The following NAALADL2 variants were observed in gnomAD, a reference collection of about 807,000 sequenced individuals.
NAALADL2 encodes the protein inactive N-acetylated-alpha-linked acidic dipeptidase-like protein 2.
In NAALADL2, 76 loss-of-function variants were observed where a neutral mutation model predicts 87.2. The observed-to-expected ratio is 0.87, with a 90% CI of 0.72 to 1.05. NAALADL2 has a LOEUF of 1.05. NAALADL2 is among the 50% of genes least tolerant of loss of function. The pLI is 0.00. For synonymous variants in NAALADL2, 354 were observed against 331.0 expected, an observed-to-expected ratio of 1.07 and a Z score of -0.75; for missense variants, 1,089 against 945.8, an observed-to-expected ratio of 1.15 and a Z score of -1.99.
intron 3 of NAALADL2, among the ~76,000 whole-genome samples, chr3:174,834,266 C>G (rs1353422224): frequency 1.4e-5 from 2 of 147,302 alleles, no homozygotes; most frequent in African/African-American, 2.6e-5. Flanking sequence ...GCCCATTTAT[C>G]ATATTGAATA....
chr3:175,648,884 C>T (rs536953411), intron 11 of NAALADL2, among the ~76,000 whole-genome samples: 61 of 152,290 alleles, frequency 4.0e-4, no homozygotes, highest in African/African-American at 1.3e-3. Context: ...TTTGTCTTCT[C>T]TCTTCATACC....
intron 1 of NAALADL2, among the ~76,000 whole-genome samples, chr3:175,050,801 G>A (rs1755283996): frequency 6.6e-6 from 1 of 152,150 alleles, no homozygotes; most frequent in Admixed American, 6.5e-5. Context: ...AATTGAGAGT[G>A]TTATCTTCAG....
rs570347964 is a variant in NAALADL2 at position 175,808,806 on chromosome 3, T to C, written c.*5603T>C. 3 of 152,118 alleles carry C rather than the reference T, an allele frequency of 2.0e-5. No individual in the cohort carries two copies. The highest frequency in any genetic ancestry group is 7.2e-5 in the African/African-American group (3 of 41,542). 9.4% of individuals were successfully genotyped at this position (152,118 alleles called of 1,614,324 possible). A position where few individuals can be genotyped will look rare whatever the true frequency, so the allele number is the denominator to read the frequency against. ...TGTCGGTCTTTTGTTCTAATTAAAG[T>C]ACAAACGTGGCATCTGAATAGAAGC... On this transcript the variant is annotated 3_prime_UTR_variant, in exon 14 of 14. Coordinates refer to ENST00000454872, the MANE Select transcript of NAALADL2 (RefSeq NM_207015.3).
intron 10 of NAALADL2, among the ~76,000 whole-genome samples, chr3:175,589,917 A>G (rs1232188305): frequency 6.6e-6 from 1 of 151,922 alleles, no homozygotes; most frequent in Non-Finnish European, 1.5e-5. Context: ...AAAAATATAT[A>G]TTTACCAATT....
intron 4 of NAALADL2, among the ~76,000 whole-genome samples, chr3:175,304,198 T>C (rs1231442267): frequency 1.3e-5 from 2 of 152,118 alleles, no homozygotes; most frequent in Non-Finnish European, 2.9e-5. Context: ...CCATGCAAAT[T>C]ATCTGTCTGG....
At chr3:175,008,881 A>G (rs1749411910) in intron 1 of NAALADL2, among the ~76,000 whole-genome samples, 1 of 152,208 alleles carries the variant, frequency 6.6e-6, no homozygotes, top group Non-Finnish European at 1.5e-5. Flanking sequence ...CCCTAAGTTC[A>G]GTAAGATGCA....
intron 3 of NAALADL2, among the ~76,000 whole-genome samples, chr3:174,806,235 AAAG>A (rs1484287990): frequency 1.3e-5 from 2 of 152,196 alleles, no homozygotes; most frequent in African/African-American, 2.4e-5. Flanking sequence ...AAAGGGAGGA[AAAG>A]AAGAAGTGAG....
rs187733650 is a variant in NAALADL2 at position 174,456,354 on chromosome 3, C to G, written c.-184+15322C>G. 4.6e-3 allele frequency among the ~76,000 whole-genome samples: 586 copies of G among 126,052 alleles called. 6 individuals carry two copies. Among genetic ancestry groups the G allele is most frequent in the Admixed American group, 6.7e-3 (67 of 10,012 alleles). The allele number at this position is 126,052 out of a possible 152,430, so 82.7% of individuals were successfully genotyped here. Reference sequence around the variant, plus strand: ...TGACATTCTTCACACAACTAGAAAACTGTTTTAAAATTCCTATGGATCCAA... The same window carrying G: ...TGACATTCTTCACACAACTAGAAAAGTGTTTTAAAATTCCTATGGATCCAA... On this transcript the variant is annotated intron_variant, in intron 1 of 3. Transcript: ENST00000434257.
chr3:174,948,029 G>A (rs1437556710), intron 1 of NAALADL2, among the ~76,000 whole-genome samples: 3 of 151,904 alleles, frequency 2.0e-5, no homozygotes, highest in Non-Finnish European at 2.9e-5. Flanking sequence ...CCTTTGACAC[G>A]AAACTTGACA....
intron 2 of NAALADL2, among the ~76,000 whole-genome samples, chr3:174,683,636 GT>G (rs1172130794): frequency 0.026 from 481 of 18,592 alleles, 4 homozygotes; most frequent in African/African-American, 0.17. Context: ...TCTGGTGTGT[GT>G]GTGTGTGTGT....
intron 1 of NAALADL2, among the ~76,000 whole-genome samples, chr3:175,084,169 G>A (rs1177943571): frequency 1.3e-5 from 2 of 152,176 alleles, no homozygotes; most frequent in Non-Finnish European, 2.9e-5. Flanking sequence ...TTGAGTGGTG[G>A]TCTGGTTATT....
Position 174,814,436 on chromosome 3 carries a change from G to T in NAALADL2, c.-9+76690G>T, listed in dbSNP as rs115252339. ...TAGTTAAATATTTTAAGACTGGGAA[G>T]AATTTAAATATGTATCTTGCGTGTG... is the stretch of plus-strand genomic sequence containing the variant. On this transcript the variant is annotated intron_variant, in intron 3 of 3. Coordinates refer to the NAALADL2 transcript ENST00000434257. Among the ~76,000 whole-genome samples the T allele has an allele frequency of 2.6e-3, 390 of 152,212 alleles. 2 individuals carry two copies. Among genetic ancestry groups the T allele is most frequent in the African/African-American group, 9.0e-3 (375 of 41,544 alleles).
rs1357170745 is a variant in NAALADL2, at chr3:174,727,879, C to T, written c.-114-9762C>T. Among the ~76,000 whole-genome samples, 4 of 152,090 alleles carry T rather than the reference C, an allele frequency of 2.6e-5. No individual in the cohort carries two copies. In the East Asian group the frequency reaches 5.8e-4, roughly 22 times the overall value. ...AATCCTCTGTGTTCCACTATTCATC[C>T]CTACTGTCCCCTAAACCCTAGGTGA... On this transcript the variant is annotated intron_variant, in intron 2 of 3. Transcript: ENST00000434257.
upstream of NAALADL2, among the ~76,000 whole-genome samples, chr3:174,855,982 A>G (rs199756978): frequency 0.21 from 4,689 of 22,334 alleles, 246 homozygotes; most frequent in African/African-American, 0.48. Context: ...GTGTGTGTGT[A>G]TATATATATA....
intron 2 of NAALADL2, among the ~76,000 whole-genome samples, chr3:174,665,085 A>G (rs1725841174): frequency 2.0e-5 from 3 of 152,200 alleles, no homozygotes; most frequent in African/African-American, 7.2e-5. Context: ...AATTGTGTCC[A>G]TGTCCTGACC....
intron 5 of NAALADL2, among the ~76,000 whole-genome samples, chr3:175,436,858 G>A (rs1208924891): frequency 1.1e-5 from 1 of 87,252 alleles, no homozygotes; most frequent in East Asian, 3.4e-4. Flanking sequence ...AGTTTAATTA[G>A]ATCCCATTTG....
At chr3:175,396,514 A>C (rs1325965534) in intron 5 of NAALADL2, among the ~76,000 whole-genome samples, 1 of 150,756 alleles carries the variant, frequency 6.6e-6, no homozygotes, top group Non-Finnish European at 1.5e-5. Context: ...GATCAAGTAG[A>C]TTGAAGCACA....
At chr3:174,635,527 G>T (rs1722549455) in intron 2 of NAALADL2, among the ~76,000 whole-genome samples, 1 of 148,930 alleles carries the variant, frequency 6.7e-6, no homozygotes, top group African/African-American at 2.5e-5. Context: ...TTTTGAGATG[G>T]AGTCTTGCTC....
At chr3:175,527,711 A>G (rs1430393211) in intron 9 of NAALADL2, among the ~76,000 whole-genome samples, 2 of 152,206 alleles carry the variant, frequency 1.3e-5, no homozygotes, top group Non-Finnish European at 2.9e-5. Context: ...GTAGCATTTT[A>G]GAGATTAATT....
Sources: allele counts gnomAD v4.1 joint callset (sites outside exome capture counted in the v4.1 genomes callset), GRCh38; gene constraint gnomAD v4.1.1; transcripts MANE v1.5; gene names NCBI Gene and HGNC (gene_info 2026-07-23, HGNC 2026-07-21).